TENM3: variants seen among roughly 807,000 people sequenced by gnomAD.
TENM3 encodes teneurin transmembrane protein 3.
Under a neutral mutation model 255.1 loss-of-function variants are expected in TENM3, and 63 were observed. That is an observed-to-expected ratio of 0.25 (90% confidence interval 0.20 to 0.30). TENM3 has a LOEUF of 0.30. TENM3 is among the 10% of genes least tolerant of loss of function. The probability of loss-of-function intolerance (pLI) is 1.00; values close to 1 mark genes in which losing one functional copy is unlikely to be tolerated. For missense variants in TENM3, 2,929 were observed against 3,461.1 expected (o/e 0.85, Z 3.86); for synonymous variants, 1,306 against 1,322.3 (o/e 0.99, Z 0.27).
chr4:182,484,283 G>T (rs987412063), intron 3 of TENM3, among the ~76,000 whole-genome samples: 4 of 152,158 alleles, frequency 2.6e-5, no homozygotes, highest in African/African-American at 9.7e-5. Flanking sequence ...ACTGGCCTGA[G>T]GTCATGCAGC....
chr4:182,028,331 T>C, the TENM3 span, among the ~76,000 whole-genome samples: 21 of 152,328 alleles, frequency 1.4e-4, no homozygotes, highest in East Asian at 3.5e-3. Flanking sequence ...TTTTCATCTC[T>C]GCTTTTATTT....
intron 3 of TENM3, among the ~76,000 whole-genome samples, chr4:182,529,043 T>C (rs1324209297): frequency 6.6e-6 from 1 of 152,260 alleles, no homozygotes; most frequent in Admixed American, 6.5e-5. Context: ...GTAACAAATT[T>C]TTGTGATTTC....
Position 182,789,211 on chromosome 4 carries a change from C to T in TENM3, c.5423C>T (p.Thr1808Ile), listed in dbSNP as rs1765912784. The T allele has an allele frequency of 2.5e-6, 4 of 1,613,464 alleles. No homozygotes were observed. Among genetic ancestry groups the T allele is most frequent in the Non-Finnish European group, 2.5e-6 (3 of 1,179,756 alleles). Reference sequence around the variant, plus strand: ...GCCTACGACACGTCTGGGCACCCGACTCTCTGGCTGCCAAGCAGCAAGCTG... The same window carrying T: ...GCCTACGACACGTCTGGGCACCCGATTCTCTGGCTGCCAAGCAGCAAGCTG... ...RIAYDTSGHP[T>I]LWLPSSKLMA... Residue 1808 changes from threonine to isoleucine, a missense_variant, in exon 25 of 28, where the codon ACT becomes ATT. Physicochemically the swap from Thr to Ile is moderately conservative, Grantham distance 89. Transcript: ENST00000511685. The surrounding 1 kb of genome is among the most constrained non-coding windows in gnomAD (Gnocchi z 4.4).
the TENM3 span, among the ~76,000 whole-genome samples, chr4:181,773,426 T>C: frequency 6.6e-6 from 1 of 152,194 alleles, no homozygotes; most frequent in Non-Finnish European, 1.5e-5. Flanking sequence ...AGGACAGGCC[T>C]ATCTGTGTAT....
chr4:181,755,205 G>A, the TENM3 span, among the ~76,000 whole-genome samples: 1 of 152,068 alleles, frequency 6.6e-6, no homozygotes, highest in Non-Finnish European at 1.5e-5. Context: ...GGAACAAAAG[G>A]CCTCCTAATC....
intron 4 of TENM3, among the ~76,000 whole-genome samples, chr4:182,613,461 G>A (rs1749196599): frequency 6.6e-6 from 1 of 152,116 alleles, no homozygotes; most frequent in African/African-American, 2.4e-5. Flanking sequence ...TTGTAGACCT[G>A]TCTAAGTTAA....
chr4:182,689,859 T>A (rs13130051), intron 12 of TENM3, among the ~76,000 whole-genome samples: 16,059 of 152,274 alleles, frequency 0.11, 1,135 homozygotes, highest in South Asian at 0.14. Flanking sequence ...TTTCCTGCAA[T>A]TTTTTAGCTC....
intron 1 of TENM3, among the ~76,000 whole-genome samples, chr4:182,289,840 G>T (rs115680570): frequency 3.0e-3 from 453 of 152,208 alleles, no homozygotes; most frequent in African/African-American, 0.01. Context: ...ACTCCCTAGC[G>T]TGTTGACCAA....
chr4:181,650,799 G>A, the TENM3 span, among the ~76,000 whole-genome samples: 1 of 152,172 alleles, frequency 6.6e-6, no homozygotes, highest in Non-Finnish European at 1.5e-5. Flanking sequence ...AAGAGCAAAT[G>A]CCTCATTCCT....
the TENM3 span, among the ~76,000 whole-genome samples, chr4:181,754,574 C>T: frequency 6.6e-6 from 1 of 151,978 alleles, no homozygotes; most frequent in Admixed American, 6.6e-5. Context: ...TAGAAAGTGC[C>T]GTTAACAAAG....
chr4:182,532,317 A>T (rs1043978373), intron 3 of TENM3, among the ~76,000 whole-genome samples: 14 of 152,202 alleles, frequency 9.2e-5, no homozygotes, highest in Non-Finnish European at 5.9e-5. Context: ...TGATATATGC[A>T]TATAGTACCT....
the TENM3 span, among the ~76,000 whole-genome samples, chr4:181,588,018 T>G: frequency 6.6e-6 from 1 of 151,904 alleles, no homozygotes; most frequent in Non-Finnish European, 1.5e-5. Flanking sequence ...AACTGCAGGG[T>G]GGAAGTGAGC....
At chr4:182,075,441 A>G in the TENM3 span, among the ~76,000 whole-genome samples, 8 of 151,874 alleles carry the variant, frequency 5.3e-5, no homozygotes, top group Middle Eastern at 6.8e-3. Context: ...CTAGTGATCC[A>G]CCCGCCTTGG....
intron 1 of TENM3, among the ~76,000 whole-genome samples, chr4:182,249,470 T>G (rs1757853603): frequency 1.3e-5 from 2 of 152,202 alleles, no homozygotes; most frequent in South Asian, 4.1e-4. Flanking sequence ...GAGAAACTAT[T>G]ATCTCACATA....
the TENM3 span, among the ~76,000 whole-genome samples, chr4:181,834,645 A>G: frequency 1.3e-5 from 2 of 152,152 alleles, no homozygotes; most frequent in Admixed American, 6.5e-5. Context: ...CTCCTAGCCA[A>G]CCTGAGAGTG....
chr4:182,168,581 T>C (rs1028298485), intron 1 of TENM3, among the ~76,000 whole-genome samples: 3 of 152,208 alleles, frequency 2.0e-5, no homozygotes, highest in Non-Finnish European at 4.4e-5. Flanking sequence ...TTAAAAGAAA[T>C]GAAAAACTTC....
chr4:181,886,048 G>GTTTTTTTTT, the TENM3 span, among the ~76,000 whole-genome samples: 2 of 102,540 alleles, frequency 2.0e-5, no homozygotes, highest in African/African-American at 3.5e-5. Flanking sequence ...TTTTTCTTGG[G>GTTTTTTTTT]TTTTTTTTTT....
At chr4:181,818,833 C>A in the TENM3 span, among the ~76,000 whole-genome samples, 1 of 152,270 alleles carries the variant, frequency 6.6e-6, no homozygotes, top group Admixed American at 6.5e-5. Context: ...AAACTCCTGA[C>A]CTCGGGTGAT....
intron 3 of TENM3, among the ~76,000 whole-genome samples, chr4:182,412,574 A>C (rs1399146532): frequency 6.6e-6 from 1 of 152,258 alleles, no homozygotes; most frequent in Non-Finnish European, 1.5e-5. Flanking sequence ...TAAAAGAATA[A>C]GAAATTATGG....
Sources: allele counts gnomAD v4.1 joint callset (sites outside exome capture counted in the v4.1 genomes callset), GRCh38; gene constraint gnomAD v4.1.1; non-coding constraint Gnocchi (gnomAD v3.1); transcripts MANE v1.5; gene names NCBI Gene and HGNC (gene_info 2026-07-23, HGNC 2026-07-21).